Variants in SLC18A1 observed in about 807,000 individuals in gnomAD.
SLC18A1 encodes solute carrier family 18 member A1.
A neutral mutation model predicts 53.7 loss-of-function variants in SLC18A1; 69 were observed. The ratio of observed to expected loss-of-function variants is 1.28; its 90% CI spans 1.06 to 1.57. SLC18A1 has a LOEUF of 1.57. Ranked by LOEUF, SLC18A1 falls within the 40% of genes most tolerant of loss-of-function variation. SLC18A1 has a pLI of 0.00. For synonymous variants in SLC18A1, 320 were observed against 248.1 expected, an observed-to-expected ratio of 1.29 and a Z score of -2.72; for missense variants, 932 against 668.1, an observed-to-expected ratio of 1.40 and a Z score of -4.35.
intron 15 of SLC18A1, among the ~76,000 whole-genome samples, chr8:20,146,795 C>A (rs1382101505): frequency 1.3e-5 from 2 of 148,198 alleles, no homozygotes; most frequent in African/African-American, 5.1e-5. Context: ...TTACACTCCA[C>A]CCTGGGCAAC....
intron 6 of SLC18A1, 145 bp from the exon 7 acceptor site, chr8:20,171,639 A>G (rs2072119818): frequency 1.5e-6 from 1 of 661,554 alleles, no homozygotes; most frequent in African/African-American, 1.8e-5. Flanking sequence ...AGAGATGGAG[A>G]CATGATCCCT....
intron 6 of SLC18A1, 30 bp downstream of exon 6, chr8:20,173,006 G>T: frequency 1.0e-6 from 1 of 1,004,910 alleles, no homozygotes; most frequent in Non-Finnish European, 1.5e-6. Context: ...CCACCCTCCC[G>T]AACCCAGAGC....
chr8:20,150,856 C>A (rs932311631), intron 10 of SLC18A1, 112 bp from the exon 11 acceptor site: 5 of 958,236 alleles, frequency 5.2e-6, no homozygotes, highest in Non-Finnish European at 6.6e-6. Context: ...ATCCCCAAAC[C>A]ACTTTGTTTT....
In SLC18A1 at chr8:20,178,508, A is replaced by AG. The variant is rs1563772574; in HGVS notation, c.489-16_489-15insC. ...GATATCCAATCCTAAAAGGGAATTG[A>AG]AAAAAAAAAAGATACAATTCCAACA... On this transcript the variant is annotated splice_polypyrimidine_tract_variant and intron_variant, in intron 3 of 15. Transcript: ENST00000276373. 7.9e-7 allele frequency: 1 copy of AG among 1,259,766 alleles called. No homozygotes were observed. The highest frequency in any genetic ancestry group is 2.7e-5 in the Admixed American group (1 of 36,664). 78.0% of individuals were successfully genotyped at this position (1,259,766 alleles called of 1,614,324 possible). A position where few individuals can be genotyped will look rare whatever the true frequency, so the allele number is the denominator to read the frequency against.
chr8:20,171,872 G>T (rs1328109551), intron 6 of SLC18A1, among the ~76,000 whole-genome samples: 1 of 152,204 alleles, frequency 6.6e-6, no homozygotes, highest in Non-Finnish European at 1.5e-5. Context: ...TATCTGGAGG[G>T]GAAGAAGCTT....
chr8:20,149,084 T>TCTTCTC (rs2071479264), intron 12 of SLC18A1, among the ~76,000 whole-genome samples: 2 of 152,172 alleles, frequency 1.3e-5, no homozygotes, highest in South Asian at 4.1e-4. Flanking sequence ...GTAGCCCTGT[T>TCTTCTC]CTTCTCTCCC....
intron 10 of SLC18A1, among the ~76,000 whole-genome samples, chr8:20,151,235 C>G (rs2071547344): frequency 6.6e-6 from 1 of 151,258 alleles, no homozygotes; most frequent in South Asian, 2.1e-4. Flanking sequence ...ATCCTGCCTG[C>G]CTTGGCCTCC....
At chr8:20,171,515 C>G in intron 6 of SLC18A1, 21 bp from the exon 7 acceptor site, 1 of 1,586,354 alleles carries the variant, frequency 6.3e-7, no homozygotes, top group Non-Finnish European at 8.7e-7. Flanking sequence ...ATAGGAGACA[C>G]AGATTCCAGA....
chr8:20,180,718 T>C, intron 2 of SLC18A1, 123 bp downstream of exon 2: 1 of 1,239,380 alleles, frequency 8.1e-7, no homozygotes, highest in Admixed American at 2.1e-5. Flanking sequence ...ACAACCTCTG[T>C]GTGTTTTTGA....
At chr8:20,178,984 A>T (rs149702411) in intron 3 of SLC18A1, 137 bp downstream of exon 3, 1 of 1,011,238 alleles carries the variant, frequency 9.9e-7, no homozygotes, top group African/African-American at 1.6e-5. Context: ...TTGAGTAACG[A>T]GCTTTCCGAA....
At chr8:20,148,214 A>C in intron 12 of SLC18A1, 144 bp from the exon 13 acceptor site, 139 of 731,100 alleles carry the variant, frequency 1.9e-4, no homozygotes, top group Non-Finnish European at 2.3e-4. Flanking sequence ...AGACTTTCTC[A>C]TGGAAAAGAA....
intron 8 of SLC18A1, among the ~76,000 whole-genome samples, chr8:20,167,156 G>A (rs1367818901): frequency 6.6e-6 from 1 of 150,382 alleles, no homozygotes; most frequent in Non-Finnish European, 1.5e-5. Flanking sequence ...CCCCACAAAT[G>A]GATGCAAATG....
rs1359239309 is a variant in SLC18A1 at position 20,144,961 on chromosome 8, A to G, written c.*802T>C. The G allele has an allele frequency of 2.0e-5, 3 of 152,044 alleles. No homozygotes were observed. 9.4% of individuals were successfully genotyped at this position (152,044 alleles called of 1,614,324 possible). A position where few individuals can be genotyped will look rare whatever the true frequency, so the allele number is the denominator to read the frequency against. On this transcript the variant is annotated 3_prime_UTR_variant, in exon 16 of 16. Transcript: ENST00000276373. ...AGGGATTTCAAGGCAGTTTCTTTTA[A>G]CTTCTTCCCATGAAATCTTGGGTCT...
chr8:20,180,691 C>T, intron 2 of SLC18A1, 150 bp downstream of exon 2: 1 of 957,308 alleles, frequency 1.0e-6, no homozygotes, highest in South Asian at 1.7e-5. Context: ...TTCTGCAGGG[C>T]TTTTTTCCAG....
intron 1 of SLC18A1, among the ~76,000 whole-genome samples, chr8:20,182,562 C>T (rs2072456492): frequency 6.6e-6 from 1 of 152,162 alleles, no homozygotes; most frequent in South Asian, 2.1e-4. Flanking sequence ...TAATGAGCTA[C>T]TTTTGTAATT....
chr8:20,156,257 CA>C (rs34048931), intron 10 of SLC18A1, among the ~76,000 whole-genome samples: 37,780 of 131,944 alleles, frequency 0.29, 5,536 homozygotes, highest in African/African-American at 0.45. Flanking sequence ...TATCCTAAGT[CA>C]AAAAAAAAAA....
At chr8:20,174,055 C>G (rs546633886) in intron 5 of SLC18A1, among the ~76,000 whole-genome samples, 1 of 152,006 alleles carries the variant, frequency 6.6e-6, no homozygotes, top group African/African-American at 2.4e-5. Flanking sequence ...CACCACCATG[C>G]CTGGCTAACT....
intron 4 of SLC18A1, among the ~76,000 whole-genome samples, chr8:20,176,972 C>T (rs2072267837): frequency 6.6e-6 from 1 of 152,176 alleles, no homozygotes; most frequent in Non-Finnish European, 1.5e-5. Flanking sequence ...CCATCATATA[C>T]ACTTCTGATA....
intron 10 of SLC18A1, among the ~76,000 whole-genome samples, chr8:20,162,957 G>T (rs546267142): frequency 2.0e-5 from 3 of 152,166 alleles, no homozygotes; most frequent in Non-Finnish European, 4.4e-5. Flanking sequence ...TGTTATAGCA[G>T]CAGCCCGGTT....
Sources: allele counts gnomAD v4.1 joint callset (sites outside exome capture counted in the v4.1 genomes callset), GRCh38; gene constraint gnomAD v4.1.1; transcripts MANE v1.5; gene names NCBI Gene and HGNC (gene_info 2026-07-23, HGNC 2026-07-21).